The following GABRB2 variants were observed in gnomAD, a reference collection of about 807,000 sequenced individuals.
GABRB2 encodes the protein gamma-aminobutyric acid receptor subunit beta-2.
GABRB2 carries 16 observed loss-of-function variants against 54.7 expected under a neutral mutation model. The observed-to-expected ratio is 0.29, with a 90% CI of 0.20 to 0.44. GABRB2 has a LOEUF of 0.44. GABRB2 is among the 20% of genes least tolerant of loss of function. The pLI is 1.00. For synonymous variants in GABRB2, 244 were observed against 233.8 expected, an observed-to-expected ratio of 1.04 and a Z score of -0.40; for missense variants, 355 against 644.0, an observed-to-expected ratio of 0.55 and a Z score of 4.86.
Position 161,399,507 on chromosome 5 carries a change from G to C in GABRB2, c.541+11468C>G, listed in dbSNP as rs1424613422. On this transcript the variant is annotated intron_variant, in intron 5 of 9. Coordinates refer to ENST00000393959, the MANE Select transcript of GABRB2 (RefSeq NM_001371727.1). ...CACTGTGGTTTCCATCTAGCAGCTAGAGCAGTGACTACTTTATTAAGCAGG... is the reference window on the plus strand; with the variant it reads ...CACTGTGGTTTCCATCTAGCAGCTACAGCAGTGACTACTTTATTAAGCAGG... Among the ~76,000 whole-genome samples the C allele has an allele frequency of 2.6e-5, 4 of 152,154 alleles. No homozygotes were observed. In the East Asian group the frequency reaches 5.8e-4, roughly 22 times the overall value.
chr5:161,306,533 C>T (rs904097567), intron 9 of GABRB2, among the ~76,000 whole-genome samples: 1 of 152,174 alleles, frequency 6.6e-6, no homozygotes, highest in African/African-American at 2.4e-5. Flanking sequence ...GAACACAGAA[C>T]AAAAGGTTAA....
intron 5 of GABRB2, among the ~76,000 whole-genome samples, chr5:161,363,659 G>T (rs1306393006): frequency 6.6e-6 from 1 of 152,118 alleles, no homozygotes; most frequent in Non-Finnish European, 1.5e-5. Flanking sequence ...CTATGATGGT[G>T]CCACTGCACT....
At chr5:161,299,858 G>C (rs1018957735) in intron 9 of GABRB2, among the ~76,000 whole-genome samples, 1 of 152,108 alleles carries the variant, frequency 6.6e-6, no homozygotes, top group African/African-American at 2.4e-5. Flanking sequence ...GAAATTAGAG[G>C]CATTTAATTT....
At chr5:161,503,026 A>G (rs1759496351) in intron 3 of GABRB2, among the ~76,000 whole-genome samples, 1 of 152,206 alleles carries the variant, frequency 6.6e-6, no homozygotes, top group Admixed American at 6.5e-5. Flanking sequence ...CAGAAGATGA[A>G]AAACATTAAA....
intron 3 of GABRB2, among the ~76,000 whole-genome samples, chr5:161,544,552 C>A (rs1760914290): frequency 6.6e-6 from 1 of 152,202 alleles, no homozygotes; most frequent in Admixed American, 6.5e-5. Flanking sequence ...TCCACGGAGG[C>A]AGCCACTAAG....
chr5:161,436,856 C>G (rs1757326399), intron 4 of GABRB2, among the ~76,000 whole-genome samples: 1 of 152,062 alleles, frequency 6.6e-6, no homozygotes, highest in Admixed American at 6.6e-5. Flanking sequence ...AATTTTGAGG[C>G]ACCGAATTCA....
At chr5:161,445,822 G>T in intron 4 of GABRB2, among the ~76,000 whole-genome samples, 1 of 152,074 alleles carries the variant, frequency 6.6e-6, no homozygotes, top group South Asian at 2.1e-4. Context: ...TTGATGCCTT[G>T]TATCTCCCTA....
intron 3 of GABRB2, among the ~76,000 whole-genome samples, chr5:161,483,526 CAGTGTTATAAA>C (rs1758828249): frequency 6.6e-6 from 1 of 150,702 alleles, no homozygotes; most frequent in Non-Finnish European, 1.5e-5. Flanking sequence ...TTTATTGAAA[CAGTGTTATAAA>C]AAAGAGACAA....
At chr5:161,340,801 T>C (rs1158606374) in intron 5 of GABRB2, among the ~76,000 whole-genome samples, 2 of 152,060 alleles carry the variant, frequency 1.3e-5, no homozygotes, top group East Asian at 1.9e-4. Context: ...TTTGTGGTTA[T>C]TAAGTGAATA....
intron 9 of GABRB2, 26 bp downstream of exon 9, chr5:161,326,342 A>T: frequency 6.2e-7 from 1 of 1,607,930 alleles, no homozygotes; most frequent in South Asian, 1.1e-5. Context: ...AATACAAATA[A>T]ATGGATTAAA....
chr5:161,458,049 CCTT>C (rs973519206), intron 4 of GABRB2, among the ~76,000 whole-genome samples: 3 of 152,088 alleles, frequency 2.0e-5, no homozygotes, highest in African/African-American at 7.2e-5. Flanking sequence ...AAGTCTCCTG[CCTT>C]CTTCTAGATT....
At position 161,341,968 on chromosome 5, in the gene GABRB2, T is replaced by TATATATATATATAC. The variant is rs1205547471; in HGVS notation, c.542-5200_542-5199insGTATATATATATAT. On this transcript the variant is annotated intron_variant, in intron 5 of 9. Transcript: ENST00000393959. ...ATATATATATATATATATATATATA[T>TATATATATATATAC]ACATACTTTATTATTATTTTTTCTA... is the stretch of plus-strand genomic sequence containing the variant. Among the ~76,000 whole-genome samples the TATATATATATATAC allele has an allele frequency of 2.2e-3, 68 of 31,104 alleles. No individual in the cohort carries two copies. The East Asian group carries it at 0.049, about 22-fold the overall frequency. 20.4% of individuals were successfully genotyped at this position (31,104 alleles called of 152,430 possible).
intron 5 of GABRB2, among the ~76,000 whole-genome samples, chr5:161,343,855 T>C (rs530247299): frequency 9.2e-5 from 14 of 152,230 alleles, no homozygotes; most frequent in Non-Finnish European, 1.5e-5. Context: ...TAAAGTAATG[T>C]TGACAAGTCA....
chr5:161,546,475 T>G, intron 1 of GABRB2, 62 bp from the exon 2 acceptor site: 1 of 1,576,116 alleles, frequency 6.3e-7, no homozygotes, highest in Non-Finnish European at 8.7e-7. Context: ...GTTTTCAGCA[T>G]CGGATCCCTA....
intron 3 of GABRB2, among the ~76,000 whole-genome samples, chr5:161,461,082 A>G (rs1459082196): frequency 1.3e-5 from 2 of 152,320 alleles, no homozygotes; most frequent in East Asian, 3.9e-4. Context: ...AATTAGCCCC[A>G]TGAAATTTTA....
chr5:161,459,899 G>A (rs1171848372), intron 3 of GABRB2, 55 bp from the exon 4 acceptor site: 1 of 1,006,186 alleles, frequency 9.9e-7, no homozygotes, highest in Non-Finnish European at 1.5e-6. Context: ...AGATCTGGGG[G>A]ATAAGCAAAC....
At chr5:161,429,354 A>AAAAAAAAAAAAAAAG (rs1561646885) in intron 4 of GABRB2, among the ~76,000 whole-genome samples, 1 of 148,964 alleles carries the variant, frequency 6.7e-6, no homozygotes, top group Non-Finnish European at 1.5e-5. Flanking sequence ...TCAAAAAAAA[A>AAAAAAAAAAAAAAAG]AAAAGAAAAA....
At chr5:161,482,791 G>T (rs1195396526) in intron 3 of GABRB2, among the ~76,000 whole-genome samples, 1 of 151,986 alleles carries the variant, frequency 6.6e-6, no homozygotes, top group Non-Finnish European at 1.5e-5. Context: ...TTGGTATTTT[G>T]TTCCATATTT....
chr5:161,374,608 G>C lies in GABRB2; in HGVS notation c.541+36367C>G, dbSNP rs1755230065. On this transcript the variant is annotated intron_variant, in intron 5 of 9. Coordinates refer to ENST00000393959, the MANE Select transcript of GABRB2 (RefSeq NM_001371727.1). ...CTGTAGAGTCTTTGCATTTAATTTA[G>C]TTTCTTCCTAGGCATGCTGTTTACT... Among the ~76,000 whole-genome samples the C allele has an allele frequency of 2.0e-5, 3 of 152,282 alleles. No individual in the cohort carries two copies. The South Asian group carries it at 6.2e-4, about 32-fold the overall frequency.
Sources: gnomAD v4.1 joint callset for allele counts (sites outside exome capture counted in the v4.1 genomes callset) on GRCh38, gnomAD v4.1.1 for gene constraint, MANE v1.5 for transcripts, NCBI Gene and HGNC (gene_info 2026-07-23, HGNC 2026-07-21) for gene names.